Variants in SLC9A3 observed in about 807,000 individuals in gnomAD.
The protein encoded by SLC9A3 is sodium/hydrogen exchanger 3.
In SLC9A3, 37 loss-of-function variants were observed where a neutral mutation model predicts 86.8. That is an observed-to-expected ratio of 0.43 (90% CI 0.33 to 0.56). SLC9A3 has a LOEUF of 0.56. Ranked by LOEUF, SLC9A3 falls within the 20% of genes least tolerant of loss-of-function variation. The pLI is 0.06. For missense variants in SLC9A3, 1,011 were observed against 1,171.9 expected, an observed-to-expected ratio of 0.86 and a Z score of 2.00; for synonymous variants, 581 against 528.3, an observed-to-expected ratio of 1.10 and a Z score of -1.37.
Position 491,469 on chromosome 5 carries a change from C to T in SLC9A3, c.514+300G>A, listed in dbSNP as rs1003715045. On this transcript the variant is annotated intron_variant, in intron 2 of 16. Coordinates refer to ENST00000264938, the MANE Select transcript of SLC9A3 (RefSeq NM_004174.4). This position sits in a 1 kb window ranked among gnomAD's most constrained non-coding sequence, Gnocchi z 9.2. Reference sequence around the variant, plus strand: ...GGACCTGGTGGCCGGCGAGTGTGGACGGACCCCTACCTCTGCCCAGTGCCG... The same window carrying T: ...GGACCTGGTGGCCGGCGAGTGTGGATGGACCCCTACCTCTGCCCAGTGCCG... Among the ~76,000 whole-genome samples the T allele has an allele frequency of 3.9e-5, 6 of 151,962 alleles. No individual in the cohort carries two copies. Among genetic ancestry groups the T allele is most frequent in the Non-Finnish European group, 8.8e-5 (6 of 68,002 alleles).
intron 1 of SLC9A3, among the ~76,000 whole-genome samples, chr5:499,726 G>C (rs1740176423): frequency 6.6e-6 from 1 of 152,204 alleles, no homozygotes; most frequent in Non-Finnish European, 1.5e-5. Flanking sequence ...CGAGGCTCTA[G>C]AACGGGAGGG....
chr5:492,374 A>AGCCCACAGGGGAGGGGAGGGAGGTC (rs1739810107), intron 1 of SLC9A3, among the ~76,000 whole-genome samples: 1 of 61,044 alleles, frequency 1.6e-5, no homozygotes, highest in African/African-American at 8.4e-5. Context: ...GGAGGGAGGT[A>AGCCCACAGGGGAGGGGAGGGAGGTC]GGGGGGAACC....
Position 473,084 on chromosome 5 carries a change from G to C in SLC9A3, c.*295C>G, listed in dbSNP as rs1248570287. 1 of 221,474 alleles carries C rather than the reference G, an allele frequency of 4.5e-6. No individual in the cohort carries two copies. Among genetic ancestry groups the C allele is most frequent in the Non-Finnish European group, 8.5e-6 (1 of 117,134 alleles). The allele number at this position is 221,474 out of a possible 1,614,324, so 13.7% of individuals were successfully genotyped here. Reference sequence around the variant, plus strand: ...CGCGAGGCCGCTGGAACGAGCGCCGGCTGTGCACGCGGCGCGCCGCCGCCG... The same window carrying C: ...CGCGAGGCCGCTGGAACGAGCGCCGCCTGTGCACGCGGCGCGCCGCCGCCG... On this transcript the variant is annotated 3_prime_UTR_variant, in exon 17 of 17. Coordinates refer to ENST00000264938, the MANE Select transcript of SLC9A3 (RefSeq NM_004174.4).
intron 1 of SLC9A3, among the ~76,000 whole-genome samples, chr5:513,626 G>A (rs999563183): frequency 1.1e-4 from 17 of 152,142 alleles, no homozygotes; most frequent in African/African-American, 3.9e-4. Flanking sequence ...ATGCTGAGAC[G>A]GCCACGTCTG....
At position 481,668 on chromosome 5, in the gene SLC9A3, G is replaced by A. The variant is rs757245309; in HGVS notation, c.1447-33C>T. ...GGGAAGAAAGACATGAGCGTCTCGG[G>A]GCGGCCAACCGGGGAACATGAGGTG... On this transcript the variant is annotated intron_variant, in intron 8 of 16. Transcript: ENST00000264938. 2.5e-6 allele frequency: 4 copies of A among 1,590,960 alleles called. No individual in the cohort carries two copies. In the Admixed American group the frequency reaches 6.7e-5, roughly 27 times the overall value.
chr5:474,900 G>C lies in SLC9A3; in HGVS notation c.2484C>G (p.Leu828=), dbSNP rs1388590326. 8 of 1,592,840 alleles carry C rather than the reference G, an allele frequency of 5.0e-6. No individual in the cohort carries two copies. The highest frequency in any genetic ancestry group is 6.8e-6 in the Non-Finnish European group (8 of 1,171,006). The change falls in exon 16 of 17, where the codon CTC becomes CTG. Residue 828 remains leucine, a synonymous_variant. Coordinates refer to ENST00000264938, the MANE Select transcript of SLC9A3 (RefSeq NM_004174.4). The part of the protein sequence containing the change: ...DGPEERPPAA[L]PESTHM ...AGCGTTACATGTGTGTGGACTCGGG[G>C]AGGGCGGCGGGGGGCCGCTCCTCGG... is the stretch of plus-strand genomic sequence containing the variant.
rs56767296 is a variant in SLC9A3 at position 503,616 on chromosome 5, C to T, written c.212-11545G>A. 2.7e-3 allele frequency among the ~76,000 whole-genome samples: 410 copies of T among 152,290 alleles called. 1 individual carries two copies. The highest frequency in any genetic ancestry group is 9.6e-3 in the African/African-American group (399 of 41,552). ...AAGAGCGAATGGTAAAAAATGTCCC[C>T]AGTTTGGTGAAAGACACACATTTAT... On this transcript the variant is annotated intron_variant, in intron 1 of 16. Coordinates refer to ENST00000264938, the MANE Select transcript of SLC9A3 (RefSeq NM_004174.4).
rs775061138 is a variant in SLC9A3, at chr5:475,240, G to A, written c.2252-108C>T. 1.4e-3 allele frequency: 878 copies of A among 611,730 alleles called. 1 individual carries two copies. The highest frequency in any genetic ancestry group is 2.0e-3 in the Non-Finnish European group (789 of 403,198). The allele number at this position is 611,730 out of a possible 1,614,324, so 37.9% of individuals were successfully genotyped here. The stretch of plus-strand genomic sequence containing the variant: ...GGTGCCTTGGAAAGTTAGGGTCACC[G>A]GGAAGGTTAGGGTCACGTGCCTTTC... On this transcript the variant is annotated intron_variant, in intron 15 of 16. Transcript: ENST00000264938.
chr5:480,440 G>A (rs1739093135), intron 9 of SLC9A3: 1 of 157,844 alleles, frequency 6.3e-6, no homozygotes, highest in Non-Finnish European at 1.4e-5. Flanking sequence ...GAAACTCTGG[G>A]GCACAAGGAG....
At chr5:480,249 T>G in intron 9 of SLC9A3, 1 of 351,916 alleles carries the variant, frequency 2.8e-6, no homozygotes, top group South Asian at 3.6e-5. Context: ...CAAGGGGGCT[T>G]TGGCCACATG....
chr5:485,021 G>T (rs1739398712), intron 4 of SLC9A3, 132 bp downstream of exon 4: 3 of 728,116 alleles, frequency 4.1e-6, no homozygotes. Flanking sequence ...ACGGGGACGT[G>T]ACGTGGACAG....
At chr5:504,339 C>G (rs945254619) in intron 1 of SLC9A3, among the ~76,000 whole-genome samples, 1 of 152,190 alleles carries the variant, frequency 6.6e-6, no homozygotes, top group African/African-American at 2.4e-5. Context: ...TTGCTTCAGG[C>G]TCCCCTCTGT....
chr5:483,983 T>C (rs1351019540), intron 5 of SLC9A3, among the ~76,000 whole-genome samples: 1 of 152,232 alleles, frequency 6.6e-6, no homozygotes, highest in Non-Finnish European at 1.5e-5. Context: ...TCACGGGGGT[T>C]CACGGGGAAC....
In SLC9A3 at chr5:477,404, C is replaced by G. The variant is rs772934639; in HGVS notation, c.1688G>C (p.Ser563Thr). The G allele has an allele frequency of 1.1e-5, 17 of 1,613,100 alleles. 1 individual carries two copies. In the Admixed American group the frequency reaches 1.2e-4, roughly 11 times the overall value. The change falls in exon 11 of 17, where the codon AGC becomes ACC. Residue 563 changes from serine (S) to threonine (T), a missense_variant. Physicochemically the swap from Ser to Thr is moderately conservative, Grantham distance 58. Transcript: ENST00000264938. ...RGSLAFIRSP[S>T]TDNVVNVDFT... Reference sequence around the variant, plus strand: ...GTCCACGTTGACCACGTTGTCGGTGCTGGGGGAGCGGATGAAGGCCAGGGA... The same window carrying G: ...GTCCACGTTGACCACGTTGTCGGTGGTGGGGGAGCGGATGAAGGCCAGGGA...
At position 471,948 on chromosome 5, in the gene SLC9A3, T is replaced by C; in HGVS notation, c.*1431A>G. 2.2e-6 allele frequency: 1 copy of C among 456,692 alleles called. No homozygotes were observed. Among genetic ancestry groups the C allele is most frequent in the Non-Finnish European group, 4.4e-6 (1 of 226,984 alleles). 28.3% of individuals were successfully genotyped at this position (456,692 alleles called of 1,614,324 possible). The stretch of plus-strand genomic sequence containing the variant: ...CTCTTTAAGAACTCCTCCTGACTGG[T>C]GACTGTCAACACTTGATCTGAAACG... On this transcript the variant is annotated 3_prime_UTR_variant, in exon 17 of 17. Coordinates refer to ENST00000264938, the MANE Select transcript of SLC9A3 (RefSeq NM_004174.4).
intron 1 of SLC9A3, among the ~76,000 whole-genome samples, chr5:517,428 CCCAT>C (rs1450303146): frequency 2.0e-5 from 3 of 150,284 alleles, no homozygotes; most frequent in Non-Finnish European, 4.4e-5. Context: ...CATCAATCCA[CCCAT>C]CCAACTATTC....
chr5:515,753 C>CTT (rs1733710611), intron 1 of SLC9A3, among the ~76,000 whole-genome samples: 2 of 143,192 alleles, frequency 1.4e-5, no homozygotes, highest in African/African-American at 5.3e-5. Flanking sequence ...TCCCCCTGCC[C>CTT]CTCACACACA....
chr5:480,202 G>T (rs1739075149), intron 9 of SLC9A3: 1 of 478,984 alleles, frequency 2.1e-6, no homozygotes, highest in South Asian at 2.2e-5. Context: ...CCTCCAGAGG[G>T]TGGCTCAGGA....
chr5:518,791 G>A (rs1208705861), intron 1 of SLC9A3, among the ~76,000 whole-genome samples: 1 of 152,184 alleles, frequency 6.6e-6, no homozygotes, highest in African/African-American at 2.4e-5. Context: ...GTCACAGGGA[G>A]CGCCACACAC....
Sources: allele counts gnomAD v4.1 joint callset (sites outside exome capture counted in the v4.1 genomes callset), GRCh38; gene constraint gnomAD v4.1.1; non-coding constraint Gnocchi (gnomAD v3.1); transcripts MANE v1.5; gene names NCBI Gene and HGNC (gene_info 2026-07-23, HGNC 2026-07-21).